The following SLC44A5 variants were observed in gnomAD, a reference collection of about 807,000 sequenced individuals.
SLC44A5 encodes choline transporter-like protein 5.
A neutral mutation model predicts 101.8 loss-of-function variants in SLC44A5; 57 were observed. That is an observed-to-expected ratio of 0.56 (90% CI 0.45 to 0.70). The LOEUF (loss-of-function observed/expected upper bound fraction) is 0.70. Ranked by LOEUF, SLC44A5 falls within the 30% of genes least tolerant of loss-of-function variation. The pLI, the probability that SLC44A5 is intolerant of heterozygous loss-of-function variation, is 0.00. For synonymous variants in SLC44A5, 281 were observed against 290.9 expected, an observed-to-expected ratio of 0.97 and a Z score of 0.35; for missense variants, 737 against 853.1, an observed-to-expected ratio of 0.86 and a Z score of 1.70.
chr1:75,624,909 T>C, the SLC44A5 span, among the ~76,000 whole-genome samples: 1 of 152,090 alleles, frequency 6.6e-6, no homozygotes, highest in Non-Finnish European at 1.5e-5. Context: ...TCAGGGTCAC[T>C]AAAGAACCCT....
intron 5 of SLC44A5, among the ~76,000 whole-genome samples, chr1:75,288,803 G>A (rs551869975): frequency 4.5e-4 from 69 of 152,262 alleles, no homozygotes; most frequent in African/African-American, 1.6e-3. Context: ...CAGGGCATTT[G>A]CTTTTACCTG....
At chr1:75,708,503 G>A in the SLC44A5 span, among the ~76,000 whole-genome samples, 1 of 151,276 alleles carries the variant, frequency 6.6e-6, no homozygotes, top group African/African-American at 2.4e-5. Flanking sequence ...GAAATAACTG[G>A]ATAAGTACAC....
intron 3 of SLC44A5, among the ~76,000 whole-genome samples, chr1:75,374,595 C>T (rs1249773461): frequency 6.6e-6 from 1 of 152,188 alleles, no homozygotes; most frequent in African/African-American, 2.4e-5. Context: ...TGCACATGCA[C>T]TGAAACACAC....
chr1:75,671,104 G>T, the SLC44A5 span, among the ~76,000 whole-genome samples: 2 of 152,174 alleles, frequency 1.3e-5, no homozygotes, highest in Non-Finnish European at 2.9e-5. Context: ...GTAAGGTAAG[G>T]TAGGCAGATT....
At chr1:75,653,588 A>G in the SLC44A5 span, among the ~76,000 whole-genome samples, 3 of 152,216 alleles carry the variant, frequency 2.0e-5, no homozygotes, top group Non-Finnish European at 4.4e-5. Context: ...AAAGGAGATA[A>G]TCTAAGCAAT....
At chr1:75,524,216 C>T (rs2101902081) in intron 2 of SLC44A5, among the ~76,000 whole-genome samples, 1 of 152,272 alleles carries the variant, frequency 6.6e-6, no homozygotes, top group Non-Finnish European at 1.5e-5. Context: ...AGCTCTCTCT[C>T]TTCTGCTGCC....
At chr1:75,372,891 G>C (rs1040276482) in intron 3 of SLC44A5, among the ~76,000 whole-genome samples, 22 of 152,208 alleles carry the variant, frequency 1.4e-4, no homozygotes, top group Middle Eastern at 3.4e-3. Context: ...TTGACATTCA[G>C]TCCAATGAAG....
the SLC44A5 span, among the ~76,000 whole-genome samples, chr1:75,723,321 C>T: frequency 6.6e-6 from 1 of 152,126 alleles, no homozygotes; most frequent in African/African-American, 2.4e-5. Flanking sequence ...AGCGCCCGTT[C>T]CCAACATCAG....
At chr1:75,385,908 G>A (rs531267735) in intron 3 of SLC44A5, among the ~76,000 whole-genome samples, 304 of 152,074 alleles carry the variant, frequency 2.0e-3, no homozygotes, top group African/African-American at 5.8e-3. Flanking sequence ...TTCAATATAC[G>A]CAAATCAATA....
rs536024898 is a variant in SLC44A5, at chr1:75,352,365, C to A, written c.53-12735G>T. Among the ~76,000 whole-genome samples, 3 of 151,858 alleles carry A rather than the reference C, an allele frequency of 2.0e-5. No homozygotes were observed. In the East Asian group the frequency reaches 5.8e-4, roughly 29 times the overall value. On this transcript the variant is annotated intron_variant, in intron 3 of 23. Transcript: ENST00000370859. ...CTGACATTCTCCCCCACCGCCAGTCCCCCAACAGGCCCAAGTGTGTGTTGT... is the reference window on the plus strand; with the variant it reads ...CTGACATTCTCCCCCACCGCCAGTCACCCAACAGGCCCAAGTGTGTGTTGT...
intron 2 of SLC44A5, among the ~76,000 whole-genome samples, chr1:75,419,575 G>T (rs145631807): frequency 1.2e-3 from 176 of 151,934 alleles, no homozygotes; most frequent in African/African-American, 3.8e-3. Context: ...AAAAGTGAGA[G>T]AATTCATTAT....
At chr1:75,429,757 C>G (rs535217760) in intron 2 of SLC44A5, among the ~76,000 whole-genome samples, 8 of 152,204 alleles carry the variant, frequency 5.3e-5, no homozygotes, top group African/African-American at 1.9e-4. Flanking sequence ...CATGCCAGAT[C>G]TCGTGTGAAC....
At chr1:75,269,141 A>G (rs1651247500) in intron 6 of SLC44A5, among the ~76,000 whole-genome samples, 2 of 152,112 alleles carry the variant, frequency 1.3e-5, no homozygotes, top group Non-Finnish European at 1.5e-5. Flanking sequence ...AACCTATAAG[A>G]CAAAAATAAT....
At chr1:75,644,242 G>A in the SLC44A5 span, among the ~76,000 whole-genome samples, 1 of 152,146 alleles carries the variant, frequency 6.6e-6, no homozygotes. Context: ...TAAGGCAAGT[G>A]TATTTTGAAG....
At chr1:75,702,974 C>T in the SLC44A5 span, among the ~76,000 whole-genome samples, 1 of 151,872 alleles carries the variant, frequency 6.6e-6, no homozygotes, top group Non-Finnish European at 1.5e-5. Context: ...CACCTCACAC[C>T]AGTTAGAATG....
the SLC44A5 span, among the ~76,000 whole-genome samples, chr1:75,703,102 C>T: frequency 3.9e-4 from 58 of 150,596 alleles, no homozygotes; most frequent in Non-Finnish European, 5.5e-4. Context: ...GTCAGTGTGG[C>T]GATTCCTCAG....
At chr1:75,498,073 T>C (rs1257777369) in intron 2 of SLC44A5, among the ~76,000 whole-genome samples, 1 of 152,130 alleles carries the variant, frequency 6.6e-6, no homozygotes, top group Non-Finnish European at 1.5e-5. Context: ...AACTTGAAAA[T>C]TGCTAGAAAA....
chr1:75,482,284 G>A (rs1027860461), intron 2 of SLC44A5, among the ~76,000 whole-genome samples: 7 of 151,812 alleles, frequency 4.6e-5, no homozygotes, highest in Admixed American at 6.6e-5. Context: ...GTGGGGGGAC[G>A]GGGGAGGGAT....
At chr1:75,353,791 G>C (rs561788357) in intron 3 of SLC44A5, among the ~76,000 whole-genome samples, 1 of 152,292 alleles carries the variant, frequency 6.6e-6, no homozygotes, top group East Asian at 1.9e-4. Context: ...CACAAGGCAG[G>C]ATTAATATGT....
Sources: gnomAD v4.1 joint callset for allele counts (sites outside exome capture counted in the v4.1 genomes callset) on GRCh38, gnomAD v4.1.1 for gene constraint, MANE v1.5 for transcripts, NCBI Gene and HGNC (gene_info 2026-07-23, HGNC 2026-07-21) for gene names.